Variants in NECAB3 observed in about 807,000 individuals in gnomAD.
The protein encoded by NECAB3 is N-terminal EF-hand calcium binding protein 3.
NECAB3 carries 38 observed loss-of-function variants against 57.2 expected under a neutral mutation model. The ratio of observed to expected loss-of-function variants is 0.66; its 90% CI spans 0.51 to 0.87. The LOEUF (loss-of-function observed/expected upper bound fraction) is 0.87, where lower values mean the gene tolerates loss of function less well. Among genes scored for constraint, NECAB3 ranks in the 40% least tolerant of loss-of-function variants. The pLI, the probability that NECAB3 is intolerant of heterozygous loss-of-function variation, is 0.00. For synonymous variants in NECAB3, 223 were observed against 222.6 expected (o/e 1.00, Z -0.02); for missense variants, 474 against 527.5 (o/e 0.90, Z 0.99).
At chr20:33,658,625 C>T in intron 9 of NECAB3, 71 bp from the exon 10 acceptor site, 2 of 1,603,730 alleles carry the variant, frequency 1.2e-6, no homozygotes, top group Non-Finnish European at 1.7e-6. Context: ...CCTGGGGCCT[C>T]ATGGGAACCC....
At chr20:33,669,112 A>G in intron 5 of NECAB3, 2 of 494,422 alleles carry the variant, frequency 4.0e-6, no homozygotes, top group Admixed American at 3.7e-5. Flanking sequence ...TGGGTGCTGG[A>G]AACAGAATAA....
chr20:33,658,357 AGGTGG>A, intron 10 of NECAB3, 115 bp downstream of exon 10: 1 of 1,014,660 alleles, frequency 9.9e-7, no homozygotes, highest in Non-Finnish European at 1.5e-6. Flanking sequence ...GGGCTCGGGC[AGGTGG>A]GGTCACTCAT....
At chr20:33,671,286 T>C (rs979007766) in intron 2 of NECAB3, among the ~76,000 whole-genome samples, 1 of 152,096 alleles carries the variant, frequency 6.6e-6, no homozygotes, top group Non-Finnish European at 1.5e-5. Flanking sequence ...CAGAAGGGAA[T>C]GAGCTCCCCA....
At chr20:33,658,621 G>GC in intron 9 of NECAB3, 67 bp from the exon 10 acceptor site, 2 of 1,602,988 alleles carry the variant, frequency 1.2e-6, no homozygotes, top group Non-Finnish European at 1.7e-6. Flanking sequence ...CCGGCCTGGG[G>GC]CCTCATGGGA....
chr20:33,668,550 C>T, intron 5 of NECAB3: 1 of 307,962 alleles, frequency 3.2e-6, no homozygotes, highest in Non-Finnish European at 6.3e-6. Flanking sequence ...CCTCCAAACC[C>T]TCGTCATGTA....
intron 2 of NECAB3, 45 bp from the exon 3 acceptor site, chr20:33,670,837 A>C (rs761324040): frequency 7.0e-6 from 10 of 1,432,460 alleles, no homozygotes; most frequent in Admixed American, 1.7e-5. Flanking sequence ...GGTATCCCTG[A>C]CCCTGACTGC....
chr20:33,668,105 A>G, intron 5 of NECAB3: 2 of 1,607,646 alleles, frequency 1.2e-6, no homozygotes, highest in Non-Finnish European at 1.7e-6. Flanking sequence ...GTGGCCAAGC[A>G]TGGGCGTGGC....
chr20:33,664,026 G>T, intron 5 of NECAB3: 1 of 602,090 alleles, frequency 1.7e-6, no homozygotes, highest in South Asian at 2.7e-5. Context: ...CCATCGCCAC[G>T]GTCTGGAGCC....
chr20:33,659,739 G>T lies in NECAB3; in HGVS notation c.644-7C>A, dbSNP rs41290878. 5,156 of 1,583,060 alleles carry T rather than the reference G, an allele frequency of 3.3e-3. 18 individuals carry two copies. Among genetic ancestry groups the T allele is most frequent in the Non-Finnish European group, 3.8e-3 (4,422 of 1,168,352 alleles). On this transcript the variant is annotated splice_polypyrimidine_tract_variant and splice_region_variant and intron_variant, in intron 7 of 11. Transcript: ENST00000246190. Reference sequence around the variant, plus strand: ...TCGGCCTCTGAGCTGCGCCCTGTGTGTGGGGCCCGTGCAGGGTCAGGCAGG... The same window carrying T: ...TCGGCCTCTGAGCTGCGCCCTGTGTTTGGGGCCCGTGCAGGGTCAGGCAGG...
chr20:33,663,271 G>A (rs1426829637), intron 5 of NECAB3: 3 of 545,802 alleles, frequency 5.5e-6, no homozygotes, highest in Non-Finnish European at 9.6e-6. Context: ...GACGGAGCTG[G>A]TCTCAGGAAG....
intron 5 of NECAB3, 103 bp downstream of exon 5, chr20:33,669,272 C>T (rs759189292): frequency 9.3e-5 from 113 of 1,219,274 alleles, no homozygotes; most frequent in Non-Finnish European, 1.3e-4. Flanking sequence ...TGAACCCAAG[C>T]CCCTAGCTCT....
In NECAB3 at chr20:33,657,964, G is replaced by C. The variant is rs1160475417; in HGVS notation, c.1140C>G (p.Thr380=). ...TACCTGGGAAGAACACAGTGGTGAG[G>C]GTGTCCGGGGCCCGCAGGTGGTCGA... is the stretch of plus-strand genomic sequence containing the variant. ...ILIDHLRAPD[T]LTTVFFPASW... Residue 380 remains threonine, a synonymous_variant, in exon 11 of 12, where the codon ACC becomes ACG. Coordinates refer to ENST00000246190, the MANE Select transcript of NECAB3 (RefSeq NM_031232.4). 3.2e-6 allele frequency: 5 copies of C among 1,557,656 alleles called. No homozygotes were observed. Among genetic ancestry groups the C allele is most frequent in the East Asian group, 2.4e-5 (1 of 41,236 alleles).
chr20:33,658,181 G>A, intron 10 of NECAB3, 148 bp from the exon 11 acceptor site: 1 of 722,658 alleles, frequency 1.4e-6, no homozygotes, highest in Non-Finnish European at 2.3e-6. Context: ...TGGAATGAAG[G>A]GCACTGCACA....
intron 1 of NECAB3, 65 bp downstream of exon 1, chr20:33,674,159 C>G: frequency 8.1e-7 from 1 of 1,227,150 alleles, no homozygotes; most frequent in Non-Finnish European, 1.0e-6. Context: ...CGAACAACCC[C>G]GGAGGGTGAG....
upstream of NECAB3, chr20:33,674,515 G>A: frequency 1.6e-6 from 1 of 633,130 alleles, no homozygotes; most frequent in Non-Finnish European, 2.0e-6. Context: ...TCGCCTCAAG[G>A]TCCAACTCCA....
At chr20:33,667,439 C>G in intron 5 of NECAB3, 1 of 1,413,368 alleles carries the variant, frequency 7.1e-7, no homozygotes, top group Non-Finnish European at 9.2e-7. Context: ...GCGCCGCCCG[C>G]GGGCCGCGAA....
upstream of NECAB3, chr20:33,674,438 T>A: frequency 9.6e-7 from 1 of 1,044,138 alleles, no homozygotes; most frequent in Non-Finnish European, 1.2e-6. Flanking sequence ...GGCCGCCCCT[T>A]GGCGCCGGCG....
chr20:33,667,895 TG>T, intron 5 of NECAB3: 1 of 1,583,878 alleles, frequency 6.3e-7, no homozygotes, highest in Non-Finnish European at 8.6e-7. Flanking sequence ...CCGGGCCTGC[TG>T]GGCCAGGCTG....
intron 5 of NECAB3, chr20:33,666,427 G>T (rs1052259663): frequency 2.6e-5 from 4 of 152,314 alleles, no homozygotes; most frequent in African/African-American, 9.7e-5. Flanking sequence ...CAGCTGCTGG[G>T]GAGTGAGGTC....
Sources: allele counts gnomAD v4.1 joint callset (sites outside exome capture counted in the v4.1 genomes callset), GRCh38; gene constraint gnomAD v4.1.1; transcripts MANE v1.5; gene names NCBI Gene and HGNC (gene_info 2026-07-23, HGNC 2026-07-21).